Variants in PCOLCE2 observed in about 807,000 individuals in gnomAD.
The protein encoded by PCOLCE2 is procollagen C-proteinase enhancer 2.
In PCOLCE2, 42 loss-of-function variants were observed where a neutral mutation model predicts 47.0. The ratio of observed to expected loss-of-function variants is 0.89; its 90% confidence interval spans 0.70 to 1.16. The LOEUF (loss-of-function observed/expected upper bound fraction) is 1.16. Ranked by LOEUF, PCOLCE2 falls within the 50% of genes most tolerant of loss-of-function variation. The pLI is 0.00. For missense variants in PCOLCE2, 500 were observed against 526.1 expected (o/e 0.95, Z 0.49); for synonymous variants, 169 against 191.7 (o/e 0.88, Z 0.98).
chr3:142,836,020 T>C (rs1212022663), intron 5 of PCOLCE2, among the ~76,000 whole-genome samples: 1 of 152,260 alleles, frequency 6.6e-6, no homozygotes, highest in African/African-American at 2.4e-5. Context: ...CACTTCATGT[T>C]TCCTTCCACT....
intron 6 of PCOLCE2, among the ~76,000 whole-genome samples, chr3:142,828,420 T>C (rs11712986): frequency 0.21 from 31,972 of 152,134 alleles, 3,948 homozygotes; most frequent in Non-Finnish European, 0.28. Context: ...ACATTTTAAG[T>C]GCTCACAGTG....
intron 2 of PCOLCE2, among the ~76,000 whole-genome samples, chr3:142,883,861 A>C (rs1469742889): frequency 6.6e-6 from 1 of 152,166 alleles, no homozygotes; most frequent in Non-Finnish European, 1.5e-5. Context: ...CTATTAACGG[A>C]ATGGTGATCT....
intron 5 of PCOLCE2, among the ~76,000 whole-genome samples, chr3:142,837,046 C>A (rs552995686): frequency 6.6e-6 from 1 of 152,246 alleles, no homozygotes; most frequent in Non-Finnish European, 1.5e-5. Flanking sequence ...TAAATGTAAC[C>A]ACAAGTGCCC....
At chr3:142,872,337 C>T (rs1933407441) in intron 2 of PCOLCE2, among the ~76,000 whole-genome samples, 1 of 152,070 alleles carries the variant, frequency 6.6e-6, no homozygotes, top group South Asian at 2.1e-4. Flanking sequence ...TCTACGGGGG[C>T]CCTTACTGAT....
chr3:142,886,011 C>T (rs1037541875), intron 2 of PCOLCE2, among the ~76,000 whole-genome samples: 1 of 152,210 alleles, frequency 6.6e-6, no homozygotes, highest in Admixed American at 6.5e-5. Flanking sequence ...TCACAGTAAT[C>T]CTAAGGTTTA....
chr3:142,873,997 AG>A (rs767463521), intron 2 of PCOLCE2, among the ~76,000 whole-genome samples: 67 of 152,276 alleles, frequency 4.4e-4, no homozygotes, highest in Admixed American at 3.8e-3. Context: ...GCCTGGTGGG[AG>A]GTGACTGGAT....
chr3:142,856,841 T>C (rs1299043667), intron 2 of PCOLCE2, among the ~76,000 whole-genome samples: 1 of 152,060 alleles, frequency 6.6e-6, no homozygotes, highest in East Asian at 1.9e-4. Flanking sequence ...TCCTCATCCA[T>C]GTTCTTGAGA....
At chr3:142,850,270 T>C (rs1175756285) in intron 2 of PCOLCE2, among the ~76,000 whole-genome samples, 2 of 152,250 alleles carry the variant, frequency 1.3e-5, no homozygotes, top group African/African-American at 4.8e-5. Flanking sequence ...AGGCTCTCTA[T>C]GAATCACCGA....
At position 142,850,460 on chromosome 3, in the gene PCOLCE2, A is replaced by T. The variant is rs375827946; in HGVS notation, c.193-1988T>A. 1.9e-4 allele frequency among the ~76,000 whole-genome samples: 29 copies of T among 152,336 alleles called. No individual in the cohort carries two copies. In the East Asian group the frequency reaches 2.7e-3, roughly 14 times the overall value. ...AAGTATAGAGGCCTGGAACACTCCA[A>T]TGTCATCAAGTCTGTGAAGAGGTCA... On this transcript the variant is annotated intron_variant, in intron 2 of 8. Coordinates refer to ENST00000295992, the MANE Select transcript of PCOLCE2 (RefSeq NM_013363.4).
intron 2 of PCOLCE2, among the ~76,000 whole-genome samples, chr3:142,852,057 A>G (rs1480650650): frequency 6.6e-6 from 1 of 152,242 alleles, no homozygotes. Context: ...TGCTGACCCG[A>G]ACAACCCCGA....
chr3:142,820,002 T>C (rs149298078), intron 8 of PCOLCE2, among the ~76,000 whole-genome samples: 2 of 152,238 alleles, frequency 1.3e-5, no homozygotes, highest in African/African-American at 2.4e-5. Context: ...GGAAAGATGT[T>C]AGAGCTTATG....
chr3:142,861,594 CTT>C (rs1333777019), intron 2 of PCOLCE2, among the ~76,000 whole-genome samples: 2 of 152,164 alleles, frequency 1.3e-5, no homozygotes, highest in East Asian at 3.8e-4. Flanking sequence ...TGCACAGTGT[CTT>C]TTCACATCTC....
At chr3:142,824,358 A>G (rs1056504411) in intron 6 of PCOLCE2, among the ~76,000 whole-genome samples, 8 of 152,188 alleles carry the variant, frequency 5.3e-5, no homozygotes, top group African/African-American at 1.7e-4. Context: ...CATCCCACAG[A>G]AAAAAGGACA....
intron 3 of PCOLCE2, among the ~76,000 whole-genome samples, chr3:142,846,106 A>C (rs1937325939): frequency 6.6e-6 from 1 of 152,162 alleles, no homozygotes; most frequent in Non-Finnish European, 1.5e-5. Context: ...CTCTGTCTTT[A>C]AATTTCTGTA....
At chr3:142,845,128 C>T (rs1044628690) in intron 3 of PCOLCE2, among the ~76,000 whole-genome samples, 5 of 151,852 alleles carry the variant, frequency 3.3e-5, no homozygotes, top group African/African-American at 1.2e-4. Context: ...ATCTGTTTTT[C>T]CTTATAGCCT....
At position 142,838,757 on chromosome 3, in the gene PCOLCE2, A is replaced by T. The variant is rs781302438; in HGVS notation, c.710+13T>A. The T allele has an allele frequency of 1.2e-6, 2 of 1,610,260 alleles. No individual in the cohort carries two copies. Among genetic ancestry groups the T allele is most frequent in the South Asian group, 2.2e-5 (2 of 90,748 alleles). ...CCATAAAACTATTAAAGACATAAAT[A>T]GGTGCTACTTACGCAGGTGGACTAT... is the stretch of plus-strand genomic sequence containing the variant. On this transcript the variant is annotated intron_variant, in intron 5 of 8. Transcript: ENST00000295992.
chr3:142,842,947 G>A lies in PCOLCE2; in HGVS notation c.550C>T (p.His184Tyr). ...ACCTGATTCTTTGGGGCTACAATGT[G>A]CCACACACAAGTGACTCCTGCAGGG... ...DYPAGVTCVWHIVAPKNQLIE... is the reference protein window; with the variant it reads ...DYPAGVTCVWYIVAPKNQLIE... The change falls in exon 4 of 9, where the codon CAC (histidine) becomes TAC (tyrosine). Residue 184 changes from histidine to tyrosine, a missense_variant. By Grantham distance (83) the His-to-Tyr change is moderately conservative. Transcript: ENST00000295992. This position sits in a 1 kb window ranked among gnomAD's most constrained non-coding sequence, Gnocchi z 4.1. The A allele has an allele frequency of 6.2e-7, 1 of 1,614,000 alleles. No homozygotes were observed. The highest frequency in any genetic ancestry group is 8.5e-7 in the Non-Finnish European group (1 of 1,179,892).
chr3:142,883,538 G>A lies in PCOLCE2; in HGVS notation c.192+4131C>T, dbSNP rs557881837. Among the ~76,000 whole-genome samples, 5 of 151,712 alleles carry A rather than the reference G, an allele frequency of 3.3e-5. No homozygotes were observed. The South Asian group carries it at 1.0e-3, about 32-fold the overall frequency. ...AGGCTCAAGTGATTCCTCTGCCTCA[G>A]CCTCCGAGTAGCTGGGATTACAGGC... On this transcript the variant is annotated intron_variant, in intron 2 of 8. Transcript: ENST00000295992.
chr3:142,823,836 C>T (rs1937043278), intron 6 of PCOLCE2, among the ~76,000 whole-genome samples: 1 of 152,190 alleles, frequency 6.6e-6, no homozygotes, highest in Non-Finnish European at 1.5e-5. Flanking sequence ...AATTTTAAAC[C>T]TGAGTTCAAA....
Sources: gnomAD v4.1 joint callset for allele counts (sites outside exome capture counted in the v4.1 genomes callset) on GRCh38, gnomAD v4.1.1 for gene constraint, Gnocchi (gnomAD v3.1) non-coding constraint, MANE v1.5 for transcripts, NCBI Gene and HGNC (gene_info 2026-07-23, HGNC 2026-07-21) for gene names.